The following COL14A1 variants were observed in gnomAD, a reference collection of about 807,000 sequenced individuals.
COL14A1 encodes the protein collagen type XIV alpha 1 chain.
In COL14A1, 136 loss-of-function variants were observed where a neutral mutation model predicts 230.3. The observed-to-expected ratio is 0.59, with a 90% CI of 0.51 to 0.68. The LOEUF is 0.68. Among genes scored for constraint, COL14A1 ranks in the 30% least tolerant of loss-of-function variants. The pLI, the probability that COL14A1 is intolerant of heterozygous loss-of-function variation, is 0.00. For synonymous variants in COL14A1, 792 were observed against 784.1 expected (o/e 1.01, Z -0.17); for missense variants, 1,976 against 2,215.8 (o/e 0.89, Z 2.17).
rs115448007 is a variant in COL14A1, at chr8:120,285,926, G to A, written c.4033G>A (p.Glu1345Lys). The A allele has an allele frequency of 1.2e-5, 20 of 1,611,428 alleles. No homozygotes were observed. Among genetic ancestry groups the A allele is most frequent in the Admixed American group, 8.3e-5 (5 of 59,934 alleles). Reference sequence around the variant, plus strand: ...TGGGGATTTTCAAACTGTTACTTTCGAAGGACCTGAAATTAGGAAAATTTT... The same window carrying A: ...TGGGGATTTTCAAACTGTTACTTTCAAAGGACCTGAAATTAGGAAAATTTT... ...QSGDFQTVTFEGPEIRKIFYG... is the reference protein window; with the variant it reads ...QSGDFQTVTFKGPEIRKIFYG... Residue 1345 changes from glutamate (E) to lysine (K), a missense_variant, in exon 33 of 48, where the codon GAA (glutamate) becomes AAA (lysine). Glu to Lys is a moderately conservative substitution (Grantham distance 56). Around this residue, in one of 3 missense-constraint regions of COL14A1, gnomAD observed 1,791 missense variants for 2,019.5 expected, o/e 0.89. Coordinates refer to ENST00000297848, the MANE Select transcript of COL14A1 (RefSeq NM_021110.4).
intron 5 of COL14A1, 24 bp from the exon 6 acceptor site, chr8:120,196,767 G>T: frequency 6.2e-7 from 1 of 1,609,216 alleles, no homozygotes; most frequent in South Asian, 1.1e-5. Flanking sequence ...TAACACATGC[G>T]CTTTTCTGGT....
chr8:120,188,114 G>C (rs986124840), intron 5 of COL14A1, among the ~76,000 whole-genome samples: 3 of 148,526 alleles, frequency 2.0e-5, no homozygotes, highest in African/African-American at 5.0e-5. Context: ...ATGGCGTCTC[G>C]TTCTGTCACC....
At position 120,367,259 on chromosome 8, in the gene COL14A1, C is replaced by T. The variant is rs755647743; in HGVS notation, c.5155+11C>T. The T allele has an allele frequency of 2.3e-5, 36 of 1,597,902 alleles. No homozygotes were observed. The highest frequency in any genetic ancestry group is 2.9e-5 in the Non-Finnish European group (34 of 1,172,844). On this transcript the variant is annotated intron_variant, in intron 46 of 47. Transcript: ENST00000297848. ...CCCCTGGACCAGCAGGTAAATCTTC[C>T]TTCCTAACAAGAGACTGCAAATGTA...
chr8:120,267,059 C>A, intron 25 of COL14A1, 176 bp downstream of exon 25: 1 of 573,434 alleles, frequency 1.7e-6, no homozygotes, highest in South Asian at 2.2e-5. Flanking sequence ...CATTTAATAT[C>A]AATTCTGCAC....
At chr8:120,308,868 C>T (rs1225489838) in intron 36 of COL14A1, among the ~76,000 whole-genome samples, 3 of 152,208 alleles carry the variant, frequency 2.0e-5, no homozygotes, top group Non-Finnish European at 4.4e-5. Context: ...ACATGGTCCT[C>T]CTAACACTCA....
intron 2 of COL14A1, among the ~76,000 whole-genome samples, chr8:120,149,205 G>C (rs1815191284): frequency 6.6e-6 from 1 of 152,186 alleles, no homozygotes; most frequent in African/African-American, 2.4e-5. Flanking sequence ...TTTTAGGAAT[G>C]CTAATGTCTA....
chr8:120,339,220 G>A (rs915043893), intron 42 of COL14A1, among the ~76,000 whole-genome samples: 23 of 152,160 alleles, frequency 1.5e-4, no homozygotes, highest in African/African-American at 5.3e-4. Flanking sequence ...TGGTCTGCCC[G>A]ACTTGTGATC....
chr8:120,200,232 C>G (rs946098827), intron 8 of COL14A1, among the ~76,000 whole-genome samples: 2 of 151,928 alleles, frequency 1.3e-5, no homozygotes, highest in African/African-American at 2.4e-5. Context: ...GAAACACAAA[C>G]CAAAATATAA....
chr8:120,227,493 T>C, intron 17 of COL14A1, 141 bp downstream of exon 17: 1 of 1,023,906 alleles, frequency 9.8e-7, no homozygotes. Context: ...TCATATATCT[T>C]CACTTTCAAT....
intron 16 of COL14A1, 94 bp downstream of exon 16, chr8:120,226,860 A>T: frequency 8.9e-7 from 1 of 1,123,894 alleles, no homozygotes; most frequent in Non-Finnish European, 1.3e-6. Context: ...TATATTAGGA[A>T]TCCCAGAAGT....
At chr8:120,363,239 T>A (rs928959863) in intron 45 of COL14A1, among the ~76,000 whole-genome samples, 1 of 152,222 alleles carries the variant, frequency 6.6e-6, no homozygotes, top group Non-Finnish European at 1.5e-5. Context: ...TGGAACACTA[T>A]GCAACCATAA....
At chr8:120,203,330 T>C (rs1025408998) in intron 8 of COL14A1, among the ~76,000 whole-genome samples, 9 of 137,858 alleles carry the variant, frequency 6.5e-5, no homozygotes, top group South Asian at 2.5e-4. Flanking sequence ...GGAGGGTAAC[T>C]GAAACAGCCT....
intron 8 of COL14A1, 127 bp from the exon 9 acceptor site, chr8:120,203,582 A>T: frequency 3.2e-6 from 2 of 617,608 alleles, no homozygotes; most frequent in Non-Finnish European, 5.2e-6. Context: ...AAATATATAT[A>T]TACAAGTAGC....
intron 1 of COL14A1, among the ~76,000 whole-genome samples, chr8:120,131,296 C>G (rs113907438): frequency 0.23 from 35,207 of 151,730 alleles, 4,622 homozygotes; most frequent in South Asian, 0.31. Context: ...CTCCAAACTG[C>G]TTTCCACAGT....
Position 120,236,142 on chromosome 8 carries a change from A to G in COL14A1, c.2349+4524A>G, listed in dbSNP as rs543273944. On this transcript the variant is annotated intron_variant, in intron 19 of 47. Coordinates refer to ENST00000297848, the MANE Select transcript of COL14A1 (RefSeq NM_021110.4). ...GATGTCTATTAGGTCCTCTTGGTCC[A>G]GAGCTGAGTTCAAGTCCTGGATATC... 9.2e-5 allele frequency among the ~76,000 whole-genome samples: 14 copies of G among 152,332 alleles called. No homozygotes were observed. In the South Asian group the frequency reaches 2.9e-3, roughly 32 times the overall value.
chr8:120,171,030 T>C (rs1816077978), intron 5 of COL14A1, among the ~76,000 whole-genome samples: 1 of 152,198 alleles, frequency 6.6e-6, no homozygotes, highest in South Asian at 2.1e-4. Flanking sequence ...ATTTATTTTG[T>C]GCTATTACCC....
In COL14A1 at chr8:120,212,440, C is replaced by A; in HGVS notation, c.1468-8C>A. ...GGCAAATGATCTAACAACATGTGTT[C>A]TTTTCAGATGAAAATTGGAGAGACC... On this transcript the variant is annotated splice_region_variant and splice_polypyrimidine_tract_variant and intron_variant, in intron 12 of 47. Transcript: ENST00000297848. 1 of 1,612,532 alleles carries A rather than the reference C, an allele frequency of 6.2e-7. No individual in the cohort carries two copies. The highest frequency in any genetic ancestry group is 1.7e-5 in the Admixed American group (1 of 59,918).
chr8:120,177,914 T>C (rs1816336840), intron 5 of COL14A1, among the ~76,000 whole-genome samples: 1 of 151,804 alleles, frequency 6.6e-6, no homozygotes, highest in Non-Finnish European at 1.5e-5. Flanking sequence ...GGTAAAACTG[T>C]AGGACACTAA....
rs1230903364 is a variant in COL14A1 at position 120,371,777 on chromosome 8, A to G, written c.*546A>G. On this transcript the variant is annotated 3_prime_UTR_variant, in exon 48 of 48. Coordinates refer to ENST00000297848, the MANE Select transcript of COL14A1 (RefSeq NM_021110.4). ...GTAACTGGTTTCATGTGTATCCAAA[A>G]ATCAGCATTTGGATTTAAGCTTTCT... is the stretch of plus-strand genomic sequence containing the variant. The G allele has an allele frequency of 2.5e-6, 1 of 393,468 alleles. No individual in the cohort carries two copies. The highest frequency in any genetic ancestry group is 2.1e-5 in the African/African-American group (1 of 48,528). The allele number at this position is 393,468 out of a possible 1,614,324, so 24.4% of individuals were successfully genotyped here.
Sources: gnomAD v4.1 joint callset for allele counts (sites outside exome capture counted in the v4.1 genomes callset) on GRCh38, gnomAD v4.1.1 for gene constraint, gnomAD v4.1.1 regional missense constraint, MANE v1.5 for transcripts, NCBI Gene and HGNC (gene_info 2026-07-23, HGNC 2026-07-21) for gene names.